CLIP1: variants seen among roughly 807,000 people sequenced by gnomAD.
The protein encoded by CLIP1 is CAP-Gly domain-containing linker protein 1.
CLIP1 carries 66 observed loss-of-function variants against 161.6 expected under a neutral mutation model. The observed-to-expected ratio is 0.41, with a 90% CI of 0.33 to 0.50. The LOEUF (loss-of-function observed/expected upper bound fraction) is 0.50. Among genes scored for constraint, CLIP1 ranks in the 20% least tolerant of loss-of-function variants. CLIP1 has a pLI of 0.27. For missense variants in CLIP1, 1,376 were observed against 1,702.0 expected (o/e 0.81, Z 3.37); for synonymous variants, 598 against 626.2 (o/e 0.96, Z 0.67).
In CLIP1 at chr12:122,363,891, A is replaced by G. The variant is rs575157768; in HGVS notation, c.782+92T>C. On this transcript the variant is annotated intron_variant, in intron 4 of 25. Transcript: ENST00000620786. ...TAAAAGTGCCACTCTTCCAAACACAACTTTCCATGTTATGATACACGCTTG... is the reference window on the plus strand; with the variant it reads ...TAAAAGTGCCACTCTTCCAAACACAGCTTTCCATGTTATGATACACGCTTG... 7.0e-6 allele frequency: 11 copies of G among 1,561,744 alleles called. No individual in the cohort carries two copies. In the African/African-American group the frequency reaches 1.4e-4, roughly 19 times the overall value.
chr12:122,396,972 T>C (rs1180811047), intron 1 of CLIP1, among the ~76,000 whole-genome samples: 8 of 84,466 alleles, frequency 9.5e-5, no homozygotes, highest in Admixed American at 9.4e-4. Context: ...AGAGATGGGG[T>C]TTTACCATGT....
chr12:122,347,609 G>A, intron 9 of CLIP1, 130 bp from the exon 10 acceptor site: 2 of 673,784 alleles, frequency 3.0e-6, no homozygotes, highest in Non-Finnish European at 5.4e-6. Flanking sequence ...AAGGGGAATG[G>A]AGAAGGGAAG....
rs563211034 is a variant in CLIP1, at chr12:122,400,579, T to G, written c.-106-20021A>C. 2.6e-5 allele frequency: 4 copies of G among 152,364 alleles called. No homozygotes were observed. In the South Asian group the frequency reaches 8.3e-4, roughly 32 times the overall value. 9.4% of individuals were successfully genotyped at this position (152,364 alleles called of 1,614,324 possible). On this transcript the variant is annotated intron_variant, in intron 1 of 25. Transcript: ENST00000620786. ...CACATCAGCAGTCTCTTCTGACTACTCTTCTTGCCCTCTCTTCCTTCTCTG... is the reference window on the plus strand; with the variant it reads ...CACATCAGCAGTCTCTTCTGACTACGCTTCTTGCCCTCTCTTCCTTCTCTG...
chr12:122,383,599 T>C (rs1305171772), intron 1 of CLIP1, among the ~76,000 whole-genome samples: 7 of 152,340 alleles, frequency 4.6e-5, no homozygotes, highest in African/African-American at 1.7e-4. Flanking sequence ...AAATCTAGTC[T>C]GTCTCAATAA....
At position 122,355,140 on chromosome 12, in the gene CLIP1, G is replaced by A; in HGVS notation, c.1178C>T (p.Ala393Val). The A allele has an allele frequency of 6.2e-7, 1 of 1,614,166 alleles. No individual in the cohort carries two copies. Among genetic ancestry groups the A allele is most frequent in the Non-Finnish European group, 8.5e-7 (1 of 1,179,992 alleles). The change falls in exon 6 of 26, where the codon GCT becomes GTT. Residue 393 changes from alanine to valine, a missense_variant. This residue lies in a region of CLIP1 where 211 missense variants were observed against 295.1 expected (regional missense o/e 0.72). Transcript: ENST00000620786. The surrounding 1 kb of genome is among the most constrained non-coding windows in gnomAD (Gnocchi z 4.1). ...SHVGEIEQEL[A>V]LARDGHDQHV... is the part of the protein sequence containing the mutation. ...CTGGTCATGTCCGTCCCGGGCCAGA[G>A]CTAGCTCCTGCTCTATCTCCCCCAC...
intron 1 of CLIP1, among the ~76,000 whole-genome samples, chr12:122,403,178 C>T (rs1346103445): frequency 3.9e-5 from 6 of 152,060 alleles, no homozygotes; most frequent in South Asian, 2.1e-4. Flanking sequence ...TCCTGAATCT[C>T]GAGCCAGGAA....
chr12:122,351,499 A>T (rs1471581623), intron 8 of CLIP1, among the ~76,000 whole-genome samples: 1 of 152,240 alleles, frequency 6.6e-6, no homozygotes, highest in Non-Finnish European at 1.5e-5. Flanking sequence ...TGGGCCCCAT[A>T]AAACTAGAAC....
chr12:122,393,912 CAAA>C (rs71082981), intron 1 of CLIP1, among the ~76,000 whole-genome samples: 18 of 63,196 alleles, frequency 2.8e-4, no homozygotes, highest in South Asian at 8.5e-4. Context: ...ATTCTGTCTC[CAAA>C]AAAAAAAAAA....
At chr12:122,334,809 G>T (rs1301606639) in intron 12 of CLIP1, 104 bp from the exon 13 acceptor site, 6 of 746,212 alleles carry the variant, frequency 8.0e-6, no homozygotes, top group Non-Finnish European at 4.5e-6. Context: ...TTTGTTGCTG[G>T]TCTTGTTTTA....
rs200975418 is a variant in CLIP1, at chr12:122,344,822, TA to T, written c.1506+2552del. Among the ~76,000 whole-genome samples the T allele has an allele frequency of 7.7e-3, 1,173 of 152,300 alleles. 14 individuals carry two copies. The highest frequency in any genetic ancestry group is 0.037 in the South Asian group (177 of 4,822). Reference sequence around the variant, plus strand: ...CTAGAAAGTATTCTAAAGCACTTCCTAAAAAGTAACATAGGTGATATGAAAC... The same window carrying T: ...CTAGAAAGTATTCTAAAGCACTTCCTAAAAGTAACATAGGTGATATGAAAC... On this transcript the variant is annotated intron_variant, in intron 10 of 25. Coordinates refer to ENST00000620786, the MANE Select transcript of CLIP1 (RefSeq NM_001247997.2).
intron 1 of CLIP1, among the ~76,000 whole-genome samples, chr12:122,386,496 A>G (rs1955266224): frequency 6.6e-6 from 1 of 152,328 alleles, no homozygotes; most frequent in African/African-American, 2.4e-5. Context: ...TCAGGATCAC[A>G]AAGCTGGATA....
intron 12 of CLIP1, 67 bp downstream of exon 12, chr12:122,336,565 C>T: frequency 1.3e-6 from 1 of 799,254 alleles, no homozygotes; most frequent in Admixed American, 2.0e-5. Context: ...ATATTTCTTA[C>T]TGGAGGATTT....
chr12:122,319,271 C>T lies in CLIP1; in HGVS notation c.3327G>A (p.Leu1109=). The part of the protein sequence containing the change: ...TKEKTETLAS[L]EDTKQTNAKL... ...TTGCATTTGTTTGCTTGGTGTCCTC[C>T]AAGGAGGCCAGAGTCTCAGTCTTCT... Residue 1109 remains leucine (L), a synonymous_variant, in exon 18 of 26, where the codon TTG becomes TTA. Coordinates refer to ENST00000620786, the MANE Select transcript of CLIP1 (RefSeq NM_001247997.2). The T allele has an allele frequency of 6.2e-7, 1 of 1,614,084 alleles. No individual in the cohort carries two copies. The highest frequency in any genetic ancestry group is 1.1e-5 in the South Asian group (1 of 91,084).
intron 21 of CLIP1, among the ~76,000 whole-genome samples, chr12:122,282,051 A>G (rs1204592122): frequency 6.6e-6 from 1 of 151,830 alleles, no homozygotes; most frequent in Non-Finnish European, 1.5e-5. Flanking sequence ...CACACACACA[A>G]CCTCTCAGCC....
At chr12:122,390,421 C>G (rs1294476514) in intron 1 of CLIP1, among the ~76,000 whole-genome samples, 2 of 150,770 alleles carry the variant, frequency 1.3e-5, no homozygotes, top group Non-Finnish European at 2.9e-5. Context: ...AAACGATTCT[C>G]CTATCTCAGC....
chr12:122,292,962 C>T (rs1950308560), intron 20 of CLIP1, among the ~76,000 whole-genome samples: 1 of 138,592 alleles, frequency 7.2e-6, no homozygotes, highest in African/African-American at 3.0e-5. Flanking sequence ...GAGATAGCAC[C>T]ACTGCAGTCC....
chr12:122,284,800 A>C (rs1955785551), intron 21 of CLIP1, among the ~76,000 whole-genome samples: 1 of 152,222 alleles, frequency 6.6e-6, no homozygotes, highest in Non-Finnish European at 1.5e-5. Flanking sequence ...ATAAATAAAT[A>C]AAAAGCTTAA....
In CLIP1 at chr12:122,377,440, A is replaced by C; in HGVS notation, c.606T>G (p.Ala202=). Residue 202 remains alanine, a synonymous_variant, in exon 3 of 26, where the codon GCT becomes GCG. Transcript: ENST00000620786. ...ASESISNLSE[A]GSIKKGEREL... ...CTCTTTCTCCTTTCTTGATTGAGCCAGCCTCTGAAAGGTTGGAGATAGATT... is the reference window on the plus strand; with the variant it reads ...CTCTTTCTCCTTTCTTGATTGAGCCCGCCTCTGAAAGGTTGGAGATAGATT... 1 of 1,614,164 alleles carries C rather than the reference A, an allele frequency of 6.2e-7. No individual in the cohort carries two copies. Among genetic ancestry groups the C allele is most frequent in the South Asian group, 1.1e-5 (1 of 91,084 alleles).
chr12:122,282,963 G>A (rs1279710019), intron 21 of CLIP1, among the ~76,000 whole-genome samples: 1 of 152,170 alleles, frequency 6.6e-6, no homozygotes, highest in Admixed American at 6.5e-5. Flanking sequence ...TGAGCCGGAT[G>A]AGCTGAAGTA....
Sources: allele counts gnomAD v4.1 joint callset (sites outside exome capture counted in the v4.1 genomes callset), GRCh38; gene constraint gnomAD v4.1.1; regional missense constraint gnomAD v4.1.1; non-coding constraint Gnocchi (gnomAD v3.1); transcripts MANE v1.5; gene names NCBI Gene and HGNC (gene_info 2026-07-23, HGNC 2026-07-21).